Variants in CREB5 observed in about 807,000 individuals in gnomAD.
CREB5 encodes the protein cyclic AMP-responsive element-binding protein 5.
Under a neutral mutation model 57.1 loss-of-function variants are expected in CREB5, and 19 were observed. That is an observed-to-expected ratio of 0.33 (90% CI 0.23 to 0.49). The LOEUF is 0.49. CREB5 is among the 20% of genes least tolerant of loss of function. CREB5 has a pLI of 0.99. For missense variants in CREB5, 579 were observed against 671.6 expected (o/e 0.86, Z 1.52); for synonymous variants, 238 against 238.3 (o/e 1.00, Z 0.01).
At chr7:28,686,627 C>T (rs1485236622) in intron 5 of CREB5, among the ~76,000 whole-genome samples, 3 of 152,128 alleles carry the variant, frequency 2.0e-5, no homozygotes, top group African/African-American at 7.2e-5. Context: ...AGTTAAAATG[C>T]AGGAACCAAT....
intron 7 of CREB5, among the ~76,000 whole-genome samples, chr7:28,759,926 G>C (rs1805549115): frequency 6.6e-6 from 1 of 152,186 alleles, no homozygotes; most frequent in Admixed American, 6.5e-5. Context: ...ACTAATGTGA[G>C]TTTGACTAAT....
chr7:28,641,835 G>A (rs1365080791), intron 5 of CREB5, among the ~76,000 whole-genome samples: 5 of 152,120 alleles, frequency 3.3e-5, no homozygotes, highest in Admixed American at 6.5e-5. Context: ...ACCTGCAGTC[G>A]CCATCCCATT....
In CREB5 at chr7:28,522,602, C is replaced by T. The variant is rs986848595; in HGVS notation, c.291+14865C>T. ...TAGTAGAGATGGGGTGTCACCATGT[C>T]GGCCAGGCTGGTCTCGAACTCCTGA... On this transcript the variant is annotated intron_variant, in intron 4 of 10. Coordinates refer to ENST00000357727, the MANE Select transcript of CREB5 (RefSeq NM_182898.4). 4.6e-5 allele frequency among the ~76,000 whole-genome samples: 7 copies of T among 151,868 alleles called. No individual in the cohort carries two copies. In the South Asian group the frequency reaches 8.3e-4, roughly 18 times the overall value.
intron 1 of CREB5, among the ~76,000 whole-genome samples, chr7:28,451,461 TG>T: frequency 3.1e-5 from 1 of 32,542 alleles, no homozygotes; most frequent in Non-Finnish European, 6.1e-5. Flanking sequence ...TGTGTGTGTG[TG>T]TGTGTGTGTG....
chr7:28,699,115 T>C (rs1158942105), intron 5 of CREB5, among the ~76,000 whole-genome samples: 1 of 152,044 alleles, frequency 6.6e-6, no homozygotes, highest in Non-Finnish European at 1.5e-5. Context: ...ATTTTCATAT[T>C]TAAGCCAGGA....
intron 5 of CREB5, among the ~76,000 whole-genome samples, chr7:28,699,427 C>T (rs1328910741): frequency 6.6e-6 from 1 of 152,128 alleles, no homozygotes; most frequent in Non-Finnish European, 1.5e-5. Flanking sequence ...GTTAGGGGAG[C>T]ATCTCACACA....
chr7:28,780,617 G>A (rs1806918168), intron 7 of CREB5, among the ~76,000 whole-genome samples: 1 of 152,060 alleles, frequency 6.6e-6, no homozygotes, highest in African/African-American at 2.4e-5. Flanking sequence ...AGCTACTCAG[G>A]TGGCTGAGGC....
chr7:28,586,645 TAGAG>T (rs1307927923), intron 5 of CREB5, among the ~76,000 whole-genome samples: 2 of 152,170 alleles, frequency 1.3e-5, no homozygotes, highest in East Asian at 3.9e-4. Flanking sequence ...TGTGGTGTGA[TAGAG>T]AGAAGTGGGG....
chr7:28,517,170 G>A (rs1374534288), intron 4 of CREB5, among the ~76,000 whole-genome samples: 2 of 152,132 alleles, frequency 1.3e-5, no homozygotes, highest in Non-Finnish European at 2.9e-5. Flanking sequence ...ACTTACCTGG[G>A]CCCCTCACAG....
Position 28,418,876 on chromosome 7 carries a change from G to T in CREB5, c.3+5959G>T, listed in dbSNP as rs191121307. Among the ~76,000 whole-genome samples, 259 of 152,244 alleles carry T rather than the reference G, an allele frequency of 1.7e-3. 1 individual carries two copies. The highest frequency in any genetic ancestry group is 8.5e-4 in the Non-Finnish European group (58 of 68,016). ...AAGCACTGCTTTGGGTTGCTTCCAGGTAGGGATTTTCCAATTGCTTGTACT... is the reference window on the plus strand; with the variant it reads ...AAGCACTGCTTTGGGTTGCTTCCAGTTAGGGATTTTCCAATTGCTTGTACT... On this transcript the variant is annotated intron_variant, in intron 1 of 10. Transcript: ENST00000357727.
intron 5 of CREB5, among the ~76,000 whole-genome samples, chr7:28,619,920 C>T (rs1797733105): frequency 6.6e-6 from 1 of 152,116 alleles, no homozygotes; most frequent in South Asian, 2.1e-4. Flanking sequence ...GAGGCAGAGC[C>T]TCTTCTGCCC....
intron 5 of CREB5, among the ~76,000 whole-genome samples, chr7:28,633,630 G>C (rs1158193448): frequency 6.6e-6 from 1 of 152,188 alleles, no homozygotes; most frequent in Non-Finnish European, 1.5e-5. Flanking sequence ...GGACTTACCA[G>C]CCATCCTTTT....
intron 1 of CREB5, among the ~76,000 whole-genome samples, chr7:28,301,778 A>T (rs4722782): frequency 6.6e-6 from 1 of 151,648 alleles, no homozygotes; most frequent in Admixed American, 6.6e-5. Context: ...TGTTTAGCTC[A>T]GAGGAGGAGG....
intron 4 of CREB5, among the ~76,000 whole-genome samples, chr7:28,553,372 C>T (rs746953786): frequency 1.3e-5 from 2 of 152,174 alleles, no homozygotes; most frequent in Admixed American, 1.3e-4. Flanking sequence ...GAATTCTCCC[C>T]AGCCTGGCAT....
intron 2 of CREB5, chr7:28,491,219 C>T (rs1192514632): frequency 1.6e-5 from 16 of 985,228 alleles, no homozygotes; most frequent in Admixed American, 6.2e-5. Context: ...AAAGGATAGC[C>T]GAGCTGGAGT....
intron 1 of CREB5, among the ~76,000 whole-genome samples, chr7:28,397,946 T>C (rs1200174395): frequency 6.6e-6 from 1 of 152,172 alleles, no homozygotes; most frequent in Admixed American, 6.5e-5. Context: ...ATGTAAAATA[T>C]ATATAACAAA....
At chr7:28,507,010 A>G (rs1034163810) in intron 3 of CREB5, among the ~76,000 whole-genome samples, 1 of 152,224 alleles carries the variant, frequency 6.6e-6, no homozygotes, top group Non-Finnish European at 1.5e-5. Flanking sequence ...TAAAATTAAT[A>G]ATGACATTTT....
At chr7:28,761,065 T>A (rs1192125054) in intron 7 of CREB5, among the ~76,000 whole-genome samples, 2 of 152,094 alleles carry the variant, frequency 1.3e-5, no homozygotes, top group Non-Finnish European at 1.5e-5. Flanking sequence ...TCCACACATT[T>A]AAACCAAAAT....
chr7:28,529,613 G>C (rs1391427028), intron 4 of CREB5, among the ~76,000 whole-genome samples: 2 of 152,074 alleles, frequency 1.3e-5, no homozygotes, highest in African/African-American at 4.8e-5. Context: ...GGAAAATAAA[G>C]AACAAAAACT....
Sources: gnomAD v4.1 joint callset for allele counts (sites outside exome capture counted in the v4.1 genomes callset) on GRCh38, gnomAD v4.1.1 for gene constraint, MANE v1.5 for transcripts, NCBI Gene and HGNC (gene_info 2026-07-23, HGNC 2026-07-21) for gene names.